Variants in PRELID2 observed in about 807,000 individuals in gnomAD.
PRELID2 encodes PRELI domain-containing protein 2.
PRELID2 carries 25 observed loss-of-function variants against 28.4 expected under a neutral mutation model. The observed-to-expected ratio is 0.88, with a 90% confidence interval of 0.64 to 1.23. The LOEUF is 1.23. PRELID2 is among the 50% of genes most tolerant of loss of function. The pLI, the probability that PRELID2 is intolerant of heterozygous loss-of-function variation, is 0.00. For missense variants in PRELID2, 201 were observed against 214.4 expected, an observed-to-expected ratio of 0.94 and a Z score of 0.39; for synonymous variants, 76 against 71.6, an observed-to-expected ratio of 1.06 and a Z score of -0.31.
At chr5:145,436,281 C>T in the PRELID2 span, among the ~76,000 whole-genome samples, 1 of 152,258 alleles carries the variant, frequency 6.6e-6, no homozygotes, top group African/African-American at 2.4e-5. Context: ...TTATTTATGG[C>T]TGTGTAATAT....
At position 145,552,796 on chromosome 5, in the gene PRELID2, T is replaced by C. The variant is rs115379803; in HGVS notation, n.71-79481A>G. Among the ~76,000 whole-genome samples the C allele has an allele frequency of 2.0e-3, 309 of 152,306 alleles. 2 individuals carry two copies. Among genetic ancestry groups the C allele is most frequent in the Non-Finnish European group, 3.0e-3 (207 of 68,032 alleles). ...GTATCATACCTCTGTCAAGGCCTCT[T>C]GGTGCTTCCCAAAGAAGTAACTACT... On this transcript the variant is annotated intron_variant and non_coding_transcript_variant, in intron 1 of 2. Coordinates refer to the PRELID2 transcript ENST00000510259.
At chr5:145,457,845 C>T in the PRELID2 span, among the ~76,000 whole-genome samples, 1 of 152,170 alleles carries the variant, frequency 6.6e-6, no homozygotes, top group Admixed American at 6.6e-5. Flanking sequence ...GTAAAAGCTG[C>T]AGTAGAAACC....
At chr5:145,804,808 C>T (rs954678023) in intron 4 of PRELID2, among the ~76,000 whole-genome samples, 2 of 152,126 alleles carry the variant, frequency 1.3e-5, no homozygotes, top group African/African-American at 4.8e-5. Context: ...TTAGTGAAAG[C>T]TTACGGGCAT....
At chr5:145,670,131 T>A (rs1217323990) in intron 1 of PRELID2, among the ~76,000 whole-genome samples, 1 of 152,168 alleles carries the variant, frequency 6.6e-6, no homozygotes, top group East Asian at 1.9e-4. Context: ...TTATTTGGCT[T>A]GCACTTCTGC....
intron 1 of PRELID2, among the ~76,000 whole-genome samples, chr5:145,711,852 G>T (rs1024307867): frequency 1.3e-5 from 2 of 152,156 alleles, no homozygotes; most frequent in African/African-American, 4.8e-5. Flanking sequence ...GAGAGCCAGG[G>T]GCAGGACTGA....
At chr5:145,537,072 C>T (rs909979169) in intron 1 of PRELID2, among the ~76,000 whole-genome samples, 6 of 151,704 alleles carry the variant, frequency 4.0e-5, no homozygotes, top group East Asian at 1.9e-4. Context: ...ACTAGAATCC[C>T]GTCTTGTAAA....
At chr5:145,726,677 G>A (rs1260638940) in intron 1 of PRELID2, among the ~76,000 whole-genome samples, 1 of 152,188 alleles carries the variant, frequency 6.6e-6, no homozygotes, top group African/African-American at 2.4e-5. Context: ...AAAGTATGAT[G>A]GATATACAAT....
intron 1 of PRELID2, among the ~76,000 whole-genome samples, chr5:145,699,169 T>C (rs1755350770): frequency 6.6e-6 from 1 of 152,128 alleles, no homozygotes; most frequent in African/African-American, 2.4e-5. Flanking sequence ...CGTACCTAGT[T>C]CCTTTTGGAA....
intron 1 of PRELID2, among the ~76,000 whole-genome samples, chr5:145,643,326 T>C (rs192877083): frequency 1.1e-4 from 17 of 152,316 alleles, no homozygotes; most frequent in Admixed American, 8.5e-4. Context: ...CTGTTATTGG[T>C]GTGTAGGAAT....
At chr5:145,619,564 T>C (rs1249131494) in intron 1 of PRELID2, among the ~76,000 whole-genome samples, 1 of 152,210 alleles carries the variant, frequency 6.6e-6, no homozygotes, top group African/African-American at 2.4e-5. Flanking sequence ...GTCTCCCAGG[T>C]CCTGTAGGAG....
the PRELID2 span, among the ~76,000 whole-genome samples, chr5:145,241,782 C>A: frequency 6.6e-6 from 1 of 151,994 alleles, no homozygotes; most frequent in African/African-American, 2.4e-5. Context: ...ATTCAGCTTA[C>A]AGACACAGAT....
At chr5:145,282,386 T>C in the PRELID2 span, among the ~76,000 whole-genome samples, 5 of 152,220 alleles carry the variant, frequency 3.3e-5, no homozygotes, top group South Asian at 2.1e-4. Flanking sequence ...TCTCCTGTGC[T>C]TATTATCAAG....
the PRELID2 span, among the ~76,000 whole-genome samples, chr5:145,296,435 T>A: frequency 1.3e-5 from 2 of 148,198 alleles, no homozygotes; most frequent in African/African-American, 4.9e-5. Flanking sequence ...AGTGAGAATA[T>A]GCGGTGTTTG....
chr5:145,300,151 AC>A, the PRELID2 span, among the ~76,000 whole-genome samples: 4 of 152,110 alleles, frequency 2.6e-5, 1 homozygote, highest in Admixed American at 2.6e-4. Context: ...GCCATCTTTG[AC>A]CAGTTCTAGC....
At chr5:145,240,401 T>A in the PRELID2 span, among the ~76,000 whole-genome samples, 54 of 152,032 alleles carry the variant, frequency 3.6e-4, no homozygotes, top group African/African-American at 1.3e-3. Flanking sequence ...TATACACTTT[T>A]TAAACAAAAA....
the PRELID2 span, among the ~76,000 whole-genome samples, chr5:145,344,132 A>C: frequency 1.4e-4 from 21 of 152,204 alleles, no homozygotes; most frequent in Admixed American, 1.3e-3. Context: ...ATTTAACAGG[A>C]AAGTGTTCTC....
At chr5:145,269,774 A>C in the PRELID2 span, among the ~76,000 whole-genome samples, 1 of 149,860 alleles carries the variant, frequency 6.7e-6, no homozygotes, top group Non-Finnish European at 1.5e-5. Flanking sequence ...CTCCATGCTA[A>C]GAACTAAAAC....
chr5:145,686,460 C>T (rs1290500227), intron 1 of PRELID2, among the ~76,000 whole-genome samples: 1 of 152,076 alleles, frequency 6.6e-6, no homozygotes, highest in Non-Finnish European at 1.5e-5. Flanking sequence ...AAGATCTAAA[C>T]AGGGGAAGGG....
intron 1 of PRELID2, among the ~76,000 whole-genome samples, chr5:145,574,096 C>T (rs542035140): frequency 6.6e-6 from 1 of 152,240 alleles, no homozygotes; most frequent in South Asian, 2.1e-4. Flanking sequence ...AATGCAATCA[C>T]AGGATCCTAA....
Sources: gnomAD v4.1 joint callset for allele counts (sites outside exome capture counted in the v4.1 genomes callset) on GRCh38, gnomAD v4.1.1 for gene constraint, MANE v1.5 for transcripts, NCBI Gene and HGNC (gene_info 2026-07-23, HGNC 2026-07-21) for gene names.